Variants in PHF24 observed in about 807,000 individuals in gnomAD.
PHF24 encodes the protein Galpha inhibitory interacting protein.
In PHF24, 25 loss-of-function variants were observed where a neutral mutation model predicts 42.6. The observed-to-expected ratio is 0.59, with a 90% CI of 0.43 to 0.82. The LOEUF is 0.82. Ranked by LOEUF, PHF24 falls within the 40% of genes least tolerant of loss-of-function variation. The probability of loss-of-function intolerance (pLI) is 0.00; values close to 1 mark genes in which losing one functional copy is unlikely to be tolerated. For synonymous variants in PHF24, 185 were observed against 204.8 expected, an observed-to-expected ratio of 0.90 and a Z score of 0.83; for missense variants, 470 against 538.1, an observed-to-expected ratio of 0.87 and a Z score of 1.25.
At chr9:34,918,844 A>C in the PHF24 span, among the ~76,000 whole-genome samples, 10 of 152,196 alleles carry the variant, frequency 6.6e-5, no homozygotes, top group South Asian at 2.1e-4. Flanking sequence ...TTCAGCATGA[A>C]CAGTCCTTAT....
intron 1 of PHF24, among the ~76,000 whole-genome samples, chr9:34,969,955 C>T (rs930185224): frequency 6.6e-5 from 10 of 152,174 alleles, no homozygotes; most frequent in East Asian, 3.9e-4. Context: ...TGGTGGGTCT[C>T]GCCTTCCTTT....
At chr9:34,891,023 C>T in the PHF24 span, among the ~76,000 whole-genome samples, 4 of 152,172 alleles carry the variant, frequency 2.6e-5, no homozygotes, top group Admixed American at 2.6e-4. Flanking sequence ...TGAGTGATTG[C>T]CTGGGCCACA....
the PHF24 span, among the ~76,000 whole-genome samples, chr9:34,823,072 TG>T: frequency 6.6e-6 from 1 of 151,120 alleles, no homozygotes; most frequent in Non-Finnish European, 1.5e-5. Context: ...GGCGGGCGCC[TG>T]TAGTCCCAGC....
the PHF24 span, among the ~76,000 whole-genome samples, chr9:34,816,046 A>G: frequency 6.6e-6 from 1 of 152,006 alleles, no homozygotes; most frequent in Non-Finnish European, 1.5e-5. Context: ...TTTTTCAAAT[A>G]TAAATATTAT....
At chr9:34,970,727 G>A (rs1826942906) in intron 1 of PHF24, among the ~76,000 whole-genome samples, 1 of 152,156 alleles carries the variant, frequency 6.6e-6, no homozygotes, top group South Asian at 2.1e-4. Flanking sequence ...GGATTCTGAA[G>A]TCTCCAACCA....
At chr9:34,839,213 C>T in the PHF24 span, among the ~76,000 whole-genome samples, 2 of 152,204 alleles carry the variant, frequency 1.3e-5, no homozygotes, top group Non-Finnish European at 2.9e-5. Context: ...CTAGAGCTGC[C>T]TCTGTCCTTC....
At chr9:34,822,886 G>A in the PHF24 span, among the ~76,000 whole-genome samples, 11 of 152,048 alleles carry the variant, frequency 7.2e-5, 1 homozygote, top group East Asian at 1.4e-3. Context: ...GGGCACAGAC[G>A]CAGTAGGAAG....
chr9:34,752,832 T>C, the PHF24 span, among the ~76,000 whole-genome samples: 1 of 152,140 alleles, frequency 6.6e-6, no homozygotes, highest in Non-Finnish European at 1.5e-5. Context: ...GAAAAGATCA[T>C]TCATCATGAA....
At chr9:34,906,886 C>T in the PHF24 span, among the ~76,000 whole-genome samples, 2 of 152,142 alleles carry the variant, frequency 1.3e-5, no homozygotes, top group Admixed American at 6.5e-5. Flanking sequence ...TCACCACACC[C>T]AGACACACTA....
the PHF24 span, chr9:34,666,123 G>A: frequency 1.0e-5 from 2 of 191,904 alleles, no homozygotes; most frequent in Non-Finnish European, 2.2e-5. Flanking sequence ...GGGTGTTCAT[G>A]TCTCCCAGAG....
the PHF24 span, chr9:34,833,096 C>T: frequency 2.2e-5 from 34 of 1,551,340 alleles, no homozygotes; most frequent in Middle Eastern, 1.7e-4. Context: ...GGTTGAGGAG[C>T]GCCCAAACCC....
At chr9:34,889,046 G>A in the PHF24 span, 1 of 398,512 alleles carries the variant, frequency 2.5e-6, no homozygotes, top group Non-Finnish European at 4.4e-6. Context: ...TGAAAATGAG[G>A]AGGCACAAAC....
the PHF24 span, among the ~76,000 whole-genome samples, chr9:34,803,607 T>C: frequency 6.6e-6 from 1 of 152,190 alleles, no homozygotes; most frequent in Non-Finnish European, 1.5e-5. Flanking sequence ...TCTGGGTGTA[T>C]GGAGCAGGGC....
chr9:34,790,633 G>A, the PHF24 span, among the ~76,000 whole-genome samples: 1 of 152,164 alleles, frequency 6.6e-6, no homozygotes. Context: ...TGCCCTCCTA[G>A]ATCTTATATT....
At chr9:34,855,430 T>G in the PHF24 span, among the ~76,000 whole-genome samples, 1 of 152,214 alleles carries the variant, frequency 6.6e-6, no homozygotes, top group Non-Finnish European at 1.5e-5. Flanking sequence ...CCTTTCCCTA[T>G]GTAGTGCTTA....
chr9:34,832,938 G>A, the PHF24 span: 4 of 1,551,596 alleles, frequency 2.6e-6, no homozygotes, highest in African/African-American at 2.7e-5. Context: ...GGTAGCTGTG[G>A]GAGCTTAAAC....
the PHF24 span, among the ~76,000 whole-genome samples, chr9:34,874,566 A>G: frequency 6.6e-6 from 1 of 152,172 alleles, no homozygotes; most frequent in African/African-American, 2.4e-5. Flanking sequence ...TCTTTGTTAT[A>G]GCATGAGTAT....
chr9:34,832,132 G>A, the PHF24 span, among the ~76,000 whole-genome samples: 1 of 152,088 alleles, frequency 6.6e-6, no homozygotes, highest in Non-Finnish European at 1.5e-5. Context: ...AACATATAGA[G>A]TGCATTTCTA....
At chr9:34,973,881 C>T (rs915995939) in intron 3 of PHF24, among the ~76,000 whole-genome samples, 5 of 152,178 alleles carry the variant, frequency 3.3e-5, no homozygotes, top group African/African-American at 9.7e-5. Context: ...ACACACTGCT[C>T]CCTCCCCAGC....
Sources: allele counts gnomAD v4.1 joint callset (sites outside exome capture counted in the v4.1 genomes callset), GRCh38; gene constraint gnomAD v4.1.1; transcripts MANE v1.5; gene names NCBI Gene and HGNC (gene_info 2026-07-23, HGNC 2026-07-21).